ABTB3: variants seen among roughly 807,000 people sequenced by gnomAD.
ABTB3 encodes the protein ankyrin repeat and BTB domain containing 3.
the ABTB3 span, among the ~76,000 whole-genome samples, chr12:107,588,668 G>A: frequency 2.0e-5 from 3 of 152,122 alleles, no homozygotes; most frequent in Non-Finnish European, 4.4e-5. Flanking sequence ...TTACAGGCAC[G>A]TGCCACCACG....
the ABTB3 span, among the ~76,000 whole-genome samples, chr12:107,404,561 G>A: frequency 3.3e-5 from 5 of 152,158 alleles, no homozygotes; most frequent in South Asian, 2.1e-4. Context: ...AAGCGACTCC[G>A]AAAAATGTAG....
the ABTB3 span, among the ~76,000 whole-genome samples, chr12:107,654,540 C>T: frequency 2.0e-5 from 3 of 152,106 alleles, no homozygotes; most frequent in Admixed American, 6.5e-5. Context: ...CTCAGGTGAT[C>T]CACCAGCCTC....
chr12:107,329,903 G>A, the ABTB3 span, among the ~76,000 whole-genome samples: 12 of 152,190 alleles, frequency 7.9e-5, no homozygotes. Flanking sequence ...TTATGCAGAT[G>A]TAAATTTACA....
At chr12:107,441,555 C>T in the ABTB3 span, among the ~76,000 whole-genome samples, 1 of 151,948 alleles carries the variant, frequency 6.6e-6, no homozygotes, top group African/African-American at 2.4e-5. Flanking sequence ...AGCAAACCAC[C>T]GTGGCACACG....
the ABTB3 span, among the ~76,000 whole-genome samples, chr12:107,509,679 A>G: frequency 2.6e-5 from 4 of 152,232 alleles, no homozygotes; most frequent in East Asian, 1.9e-4. Flanking sequence ...GGACCTGCAG[A>G]TGCAGATGCT....
At chr12:107,483,685 G>A in the ABTB3 span, among the ~76,000 whole-genome samples, 1 of 151,972 alleles carries the variant, frequency 6.6e-6, no homozygotes, top group Non-Finnish European at 1.5e-5. Context: ...GGTCCATGCT[G>A]TTTATTTATT....
the ABTB3 span, among the ~76,000 whole-genome samples, chr12:107,579,519 A>G: frequency 6.6e-6 from 1 of 152,240 alleles, no homozygotes; most frequent in Non-Finnish European, 1.5e-5. Flanking sequence ...AGATGAGACC[A>G]TGAATCAATG....
At chr12:107,343,259 C>T in the ABTB3 span, among the ~76,000 whole-genome samples, 1 of 152,154 alleles carries the variant, frequency 6.6e-6, no homozygotes. Context: ...AGCAATCCTC[C>T]TGTCTTGGCC....
At chr12:107,375,344 G>A in the ABTB3 span, among the ~76,000 whole-genome samples, 1 of 152,124 alleles carries the variant, frequency 6.6e-6, no homozygotes, top group Non-Finnish European at 1.5e-5. Context: ...CCTTAGCCCG[G>A]GAGATTAAGG....
At chr12:107,648,380 C>CACACACACACA in the ABTB3 span, among the ~76,000 whole-genome samples, 5 of 140,100 alleles carry the variant, frequency 3.6e-5, no homozygotes, top group African/African-American at 1.1e-4. Context: ...GACCCCATCT[C>CACACACACACA]CACACACACA....
chr12:107,332,014 C>A, the ABTB3 span, among the ~76,000 whole-genome samples: 1 of 152,238 alleles, frequency 6.6e-6, no homozygotes, highest in Non-Finnish European at 1.5e-5. Context: ...TGAGCTGGCA[C>A]CTTCACAGCC....
the ABTB3 span, among the ~76,000 whole-genome samples, chr12:107,523,977 C>A: frequency 3.9e-5 from 6 of 152,296 alleles, no homozygotes; most frequent in East Asian, 7.7e-4. Flanking sequence ...CCCCCAGCCT[C>A]CAGCACCTGG....
the ABTB3 span, among the ~76,000 whole-genome samples, chr12:107,615,510 C>G: frequency 6.6e-6 from 1 of 152,160 alleles, no homozygotes; most frequent in Admixed American, 6.5e-5. Flanking sequence ...CTATTGATAC[C>G]TTAGAACCTT....
chr12:107,518,146 T>C, the ABTB3 span, among the ~76,000 whole-genome samples: 16,655 of 152,068 alleles, frequency 0.11, 1,312 homozygotes, highest in East Asian at 0.25. Flanking sequence ...AATAGGAACA[T>C]TTTTACACTG....
At chr12:107,593,426 A>G in the ABTB3 span, among the ~76,000 whole-genome samples, 1 of 152,114 alleles carries the variant, frequency 6.6e-6, no homozygotes, top group Non-Finnish European at 1.5e-5. Flanking sequence ...AACACTTGGG[A>G]ATTTGGTTTG....
the ABTB3 span, among the ~76,000 whole-genome samples, chr12:107,323,310 G>A: frequency 1.3e-5 from 2 of 152,066 alleles, no homozygotes; most frequent in African/African-American, 4.8e-5. Context: ...TGCCATTTCT[G>A]TACCTGTCCA....
At chr12:107,489,502 G>A in the ABTB3 span, among the ~76,000 whole-genome samples, 1 of 150,984 alleles carries the variant, frequency 6.6e-6, no homozygotes, top group East Asian at 1.9e-4. Flanking sequence ...CCTGGGTGAC[G>A]AGCAAAACTC....
chr12:107,386,923 G>GTA, the ABTB3 span, among the ~76,000 whole-genome samples: 3 of 149,762 alleles, frequency 2.0e-5, no homozygotes, highest in Admixed American at 2.0e-4. Context: ...GTGTGTGTGT[G>GTA]TATGTGTGCG....
chr12:107,617,520 T>A, the ABTB3 span: 2 of 1,531,510 alleles, frequency 1.3e-6, no homozygotes, highest in Non-Finnish European at 1.8e-6. Context: ...AGACCCATTG[T>A]CTCTCTGGAT....
Sources: allele counts gnomAD v4.1 joint callset (sites outside exome capture counted in the v4.1 genomes callset), GRCh38; gene constraint gnomAD v4.1.1; transcripts MANE v1.5; gene names NCBI Gene and HGNC (gene_info 2026-07-23, HGNC 2026-07-21).